Variants in ETS2 observed in about 807,000 individuals in gnomAD.
ETS2 encodes the protein ETS proto-oncogene 2, transcription factor.
In ETS2, 19 loss-of-function variants were observed where a neutral mutation model predicts 54.9. The observed-to-expected ratio is 0.35, with a 90% CI of 0.24 to 0.51. ETS2 has a LOEUF of 0.51. Among genes scored for constraint, ETS2 ranks in the 20% least tolerant of loss-of-function variants. ETS2 has a pLI of 0.97. For missense variants in ETS2, 417 were observed against 593.0 expected (o/e 0.70, Z 3.08); for synonymous variants, 219 against 229.3 (o/e 0.95, Z 0.41).
chr21:38,822,587 T>C (rs2060962539), intron 9 of ETS2, 87 bp from the exon 10 acceptor site: 1 of 1,228,058 alleles, frequency 8.1e-7, no homozygotes, highest in Admixed American at 2.1e-5. Context: ...TGAACATGCC[T>C]CAGAATCATA....
At chr21:38,818,191 C>T (rs2060942802) in intron 6 of ETS2, among the ~76,000 whole-genome samples, 2 of 152,182 alleles carry the variant, frequency 1.3e-5, no homozygotes, top group African/African-American at 4.8e-5. Context: ...GAAATAGGAA[C>T]ATTGAGTCCT....
Position 38,814,783 on chromosome 21 carries a change from C to G in ETS2, c.307C>G (p.Pro103Ala). Residue 103 changes from proline (P) to alanine (A), a missense_variant and splice_region_variant, in exon 5 of 10, where the codon CCC (proline) becomes GCC (alanine). Physicochemically the swap from Pro to Ala is conservative, Grantham distance 27 (BLOSUM62 -1). Transcript: ENST00000360938. The surrounding 1 kb of genome is among the most constrained non-coding windows in gnomAD (Gnocchi z 4.2). ...EQRRLGIPKNPWLWSEQQVCQ... is the reference protein window; with the variant it reads ...EQRRLGIPKNAWLWSEQQVCQ... ...CATTTTTTCTTCTCTCCTGGTAGACCCCTGGCTGTGGAGTGAGCAACAGGT... is the reference window on the plus strand; with the variant it reads ...CATTTTTTCTTCTCTCCTGGTAGACGCCTGGCTGTGGAGTGAGCAACAGGT... 1 of 1,613,870 alleles carries G rather than the reference C, an allele frequency of 6.2e-7. No individual in the cohort carries two copies. Among genetic ancestry groups the G allele is most frequent in the Non-Finnish European group, 8.5e-7 (1 of 1,179,830 alleles).
At position 38,814,514 on chromosome 21, in the gene ETS2, C is replaced by T; in HGVS notation, c.304+122C>T. On this transcript the variant is annotated intron_variant, in intron 4 of 9. Coordinates refer to ENST00000360938, the MANE Select transcript of ETS2 (RefSeq NM_005239.6). The surrounding 1 kb of genome is among the most constrained non-coding windows in gnomAD (Gnocchi z 4.2). Reference sequence around the variant, plus strand: ...ATTCTGCAAAGAGTAGCATGGATGTCGTTAACCTGAGCCAGTTTCTGTTTC... The same window carrying T: ...ATTCTGCAAAGAGTAGCATGGATGTTGTTAACCTGAGCCAGTTTCTGTTTC... The T allele has an allele frequency of 8.0e-7, 1 of 1,245,560 alleles. No individual in the cohort carries two copies. Among genetic ancestry groups the T allele is most frequent in the Non-Finnish European group, 1.1e-6 (1 of 897,386 alleles). The allele number at this position is 1,245,560 out of a possible 1,614,324, so 77.2% of individuals were successfully genotyped here. A position where few individuals can be genotyped will look rare whatever the true frequency, so the allele number is the denominator to read the frequency against.
chr21:38,818,166 A>G (rs577194660), intron 6 of ETS2, among the ~76,000 whole-genome samples: 17 of 152,284 alleles, frequency 1.1e-4, no homozygotes, highest in African/African-American at 3.8e-4. Context: ...GTCCCATGAA[A>G]GCACTAGGGT....
Position 38,821,849 on chromosome 21 carries a change from A to G in ETS2, c.1194+145A>G. On this transcript the variant is annotated intron_variant, in intron 9 of 9. Coordinates refer to ENST00000360938, the MANE Select transcript of ETS2 (RefSeq NM_005239.6). This position sits in a 1 kb window ranked among gnomAD's most constrained non-coding sequence, Gnocchi z 4.2. The stretch of plus-strand genomic sequence containing the variant: ...GTGAGGCATCCTTGGCTGTTGGGAA[A>G]ATGGAAGTGGAGTCATTGCTTTGTT... The G allele has an allele frequency of 3.0e-6, 2 of 673,518 alleles. No homozygotes were observed. The highest frequency in any genetic ancestry group is 4.7e-5 in the Admixed American group (2 of 42,750). 41.7% of individuals were successfully genotyped at this position (673,518 alleles called of 1,614,324 possible).
chr21:38,808,435 C>A (rs866726359), intron 1 of ETS2, among the ~76,000 whole-genome samples: 2 of 152,116 alleles, frequency 1.3e-5, no homozygotes, highest in African/African-American at 2.4e-5. Flanking sequence ...GACTGCTGCC[C>A]CTCTCTGTCC....
intron 8 of ETS2, among the ~76,000 whole-genome samples, chr21:38,820,847 T>C (rs2060955160): frequency 6.6e-6 from 1 of 152,230 alleles, no homozygotes. Flanking sequence ...TAGGCTCTTC[T>C]CCTGTTTGCT....
chr21:38,814,781 A>C lies in ETS2; in HGVS notation c.305A>C (p.Asn102Thr), dbSNP rs767881783. 1 of 1,613,612 alleles carries C rather than the reference A, an allele frequency of 6.2e-7. No homozygotes were observed. Among genetic ancestry groups the C allele is most frequent in the Admixed American group, 1.7e-5 (1 of 59,970 alleles). ...KEQRRLGIPK[N>T]PWLWSEQQVC... is the part of the protein sequence containing the mutation. ...TCCATTTTTTCTTCTCTCCTGGTAG[A>C]CCCCTGGCTGTGGAGTGAGCAACAG... Residue 102 changes from asparagine (N) to threonine (T), a missense_variant and splice_region_variant, in exon 5 of 10, where the codon AAC becomes ACC. Physicochemically the swap from Asn to Thr is moderately conservative, Grantham distance 65. Transcript: ENST00000360938. The surrounding 1 kb of genome is among the most constrained non-coding windows in gnomAD (Gnocchi z 4.2).
rs776491155 is a variant in ETS2, at chr21:38,814,594, C to T, written c.305-187C>T. 2.0e-4 allele frequency among the ~76,000 whole-genome samples: 30 copies of T among 152,318 alleles called. No individual in the cohort carries two copies. The highest frequency in any genetic ancestry group is 2.6e-4 in the Non-Finnish European group (18 of 68,026). On this transcript the variant is annotated intron_variant, in intron 4 of 9. Coordinates refer to ENST00000360938, the MANE Select transcript of ETS2 (RefSeq NM_005239.6). This position sits in a 1 kb window ranked among gnomAD's most constrained non-coding sequence, Gnocchi z 4.2. ...ACTCATTAAATATGTAGTAGAAGGACGCATTACTGGTGTCTTGAAATGTGC... is the reference window on the plus strand; with the variant it reads ...ACTCATTAAATATGTAGTAGAAGGATGCATTACTGGTGTCTTGAAATGTGC...
chr21:38,819,892 C>T, intron 8 of ETS2, 126 bp downstream of exon 8: 6 of 907,324 alleles, frequency 6.6e-6, no homozygotes, highest in Non-Finnish European at 9.8e-6. Flanking sequence ...GCTCTACACT[C>T]CATGTTTTAT....
rs1430254787 is a variant in ETS2, at chr21:38,822,905, C to G, written c.*16C>G. 3.2e-6 allele frequency: 5 copies of G among 1,538,514 alleles called. No homozygotes were observed. The highest frequency in any genetic ancestry group is 2.0e-5 in the Admixed American group (1 of 51,280). ...GGAGGACTGAGGTCGCCGGGACCAC[C>G]CTGAGCCGGCCCCAGGCTCGTGGAC... is the stretch of plus-strand genomic sequence containing the variant. On this transcript the variant is annotated 3_prime_UTR_variant, in exon 10 of 10. Coordinates refer to ENST00000360938, the MANE Select transcript of ETS2 (RefSeq NM_005239.6).
At chr21:38,817,755 G>A (rs964049934) in intron 6 of ETS2, among the ~76,000 whole-genome samples, 5 of 152,178 alleles carry the variant, frequency 3.3e-5, no homozygotes, top group East Asian at 1.9e-4. Context: ...AGGGGTCCTC[G>A]GAACAGCAGG....
In ETS2 at chr21:38,814,652, T is replaced by C. The variant is rs765166642; in HGVS notation, c.305-129T>C. The C allele has an allele frequency of 1.4e-5, 12 of 871,402 alleles. No homozygotes were observed. Among genetic ancestry groups the C allele is most frequent in the Non-Finnish European group, 2.2e-5 (12 of 554,682 alleles). 54.0% of individuals were successfully genotyped at this position (871,402 alleles called of 1,614,324 possible). Reference sequence around the variant, plus strand: ...GTGTCAGAATGGTGACGTGTCATCATGGTATCTTGCTCATTCGTGGGTTCT... The same window carrying C: ...GTGTCAGAATGGTGACGTGTCATCACGGTATCTTGCTCATTCGTGGGTTCT... On this transcript the variant is annotated intron_variant, in intron 4 of 9. Coordinates refer to ENST00000360938, the MANE Select transcript of ETS2 (RefSeq NM_005239.6). This position sits in a 1 kb window ranked among gnomAD's most constrained non-coding sequence, Gnocchi z 4.2.
chr21:38,814,505 C>T lies in ETS2; in HGVS notation c.304+113C>T. ...GCTTGGGGTATTCTGCAAAGAGTAG[C>T]ATGGATGTCGTTAACCTGAGCCAGT... On this transcript the variant is annotated intron_variant, in intron 4 of 9. Transcript: ENST00000360938. This position sits in a 1 kb window ranked among gnomAD's most constrained non-coding sequence, Gnocchi z 4.2. The T allele has an allele frequency of 7.5e-7, 1 of 1,336,488 alleles. No homozygotes were observed. The allele number at this position is 1,336,488 out of a possible 1,614,324, so 82.8% of individuals were successfully genotyped here. A position where few individuals can be genotyped will look rare whatever the true frequency, so the allele number is the denominator to read the frequency against.
At position 38,806,079 on chromosome 21, in the gene ETS2, C is replaced by T. The variant is rs2060891425; in HGVS notation, c.-42C>T. Reference sequence around the variant, plus strand: ...CCGAGCAGCCGCGGGCGCCGAGCAGCCACCGTCCCGACCAAGCGCCGGCCC... The same window carrying T: ...CCGAGCAGCCGCGGGCGCCGAGCAGTCACCGTCCCGACCAAGCGCCGGCCC... On this transcript the variant is annotated 5_prime_UTR_variant, in exon 1 of 10. Coordinates refer to ENST00000360938, the MANE Select transcript of ETS2 (RefSeq NM_005239.6). The surrounding 1 kb of genome is among the most constrained non-coding windows in gnomAD (Gnocchi z 4.3). 4.5e-6 allele frequency: 5 copies of T among 1,119,962 alleles called. No homozygotes were observed. The South Asian group carries it at 7.4e-5, about 17-fold the overall frequency. The allele number at this position is 1,119,962 out of a possible 1,614,324, so 69.4% of individuals were successfully genotyped here.
intron 5 of ETS2, 60 bp from the exon 6 acceptor site, chr21:38,816,948 T>C (rs1326534501): frequency 1.1e-6 from 1 of 888,784 alleles, no homozygotes; most frequent in East Asian, 2.4e-5. Context: ...GAAAGTCAAT[T>C]TGTTCTGTGT....
At chr21:38,818,904 C>T (rs1177885471) in intron 7 of ETS2, among the ~76,000 whole-genome samples, 4 of 152,112 alleles carry the variant, frequency 2.6e-5, no homozygotes, top group Admixed American at 6.5e-5. Context: ...TTTATGGAGG[C>T]GATGCAGGAA....
At chr21:38,805,571 A>G, upstream of ETS2, 5 of 1,279,440 alleles carry the variant, frequency 3.9e-6, no homozygotes, top group Non-Finnish European at 5.1e-6. This position sits in a 1 kb window ranked among gnomAD's most constrained non-coding sequence, Gnocchi z 5.2. Context: ...CCTCAGGGCC[A>G]GCCGGCGAGG....
chr21:38,810,676 G>C (rs1164823197), intron 2 of ETS2, among the ~76,000 whole-genome samples: 2 of 152,166 alleles, frequency 1.3e-5, no homozygotes, highest in Non-Finnish European at 2.9e-5. Context: ...TTCCTTTTGG[G>C]AACATTCTTT....
Sources: allele counts gnomAD v4.1 joint callset (sites outside exome capture counted in the v4.1 genomes callset), GRCh38; gene constraint gnomAD v4.1.1; non-coding constraint Gnocchi (gnomAD v3.1); transcripts MANE v1.5; gene names NCBI Gene and HGNC (gene_info 2026-07-23, HGNC 2026-07-21).